POLD1: variants seen among roughly 807,000 people sequenced by gnomAD.
POLD1 encodes DNA polymerase delta 1, catalytic subunit, also known as DNA polymerase delta catalytic subunit.
A neutral mutation model predicts 129.7 loss-of-function variants in POLD1; 79 were observed. That is an observed-to-expected ratio of 0.61 (90% confidence interval 0.51 to 0.73). The LOEUF is 0.73. Ranked by LOEUF, POLD1 falls within the 30% of genes least tolerant of loss-of-function variation. The probability of loss-of-function intolerance (pLI) is 0.00; values close to 1 mark genes in which losing one functional copy is unlikely to be tolerated. For synonymous variants in POLD1, 714 were observed against 683.3 expected, an observed-to-expected ratio of 1.04 and a Z score of -0.70; for missense variants, 1,338 against 1,595.8, an observed-to-expected ratio of 0.84 and a Z score of 2.75.
intron 3 of POLD1, among the ~76,000 whole-genome samples, chr19:50,399,785 C>A (rs1255069614): frequency 2.0e-5 from 3 of 152,234 alleles, no homozygotes; most frequent in Admixed American, 2.0e-4. Context: ...CCTTAAAATT[C>A]ATAACACCAG....
intron 21 of POLD1, 51 bp from the exon 22 acceptor site, chr19:50,415,673 A>AG: frequency 2.2e-6 from 1 of 450,300 alleles, no homozygotes; most frequent in South Asian, 2.6e-5. Context: ...CCTCGCCCCC[A>AG]CCCCCGCCAC....
chr19:50,398,734 C>T, intron 1 of POLD1, 117 bp from the exon 2 acceptor site: 3 of 1,476,022 alleles, frequency 2.0e-6, no homozygotes, highest in South Asian at 2.6e-5. Flanking sequence ...TATGTTAGTA[C>T]AGCCAGTCCA....
intron 17 of POLD1, among the ~76,000 whole-genome samples, chr19:50,412,607 T>G (rs2039123713): frequency 6.6e-6 from 1 of 152,208 alleles, no homozygotes; most frequent in African/African-American, 2.4e-5. Flanking sequence ...TAAATGTAAA[T>G]GGACAAAATG....
chr19:50,406,499 C>T lies in POLD1; in HGVS notation c.1476C>T (p.Ser492=), dbSNP rs1568626807. 17 of 1,588,334 alleles carry T rather than the reference C, an allele frequency of 1.1e-5. No homozygotes were observed. The highest frequency in any genetic ancestry group is 1.5e-5 in the Non-Finnish European group (17 of 1,166,882). ...AGCAGAAGGAGGACGTGCAGCACAG[C>T]ATCATCACCGACCTGCAGGTGCCTG... ...LGEQKEDVQH[S]IITDLQNGND... is the part of the protein sequence containing the mutation. Residue 492 remains serine, a synonymous_variant, in exon 12 of 27, where the codon AGC becomes AGT. Transcript: ENST00000440232. This position sits in a 1 kb window ranked among gnomAD's most constrained non-coding sequence, Gnocchi z 5.5.
At chr19:50,397,102 A>G (rs1452476841) in intron 1 of POLD1, among the ~76,000 whole-genome samples, 1 of 145,464 alleles carries the variant, frequency 6.9e-6, no homozygotes, top group African/African-American at 2.6e-5. Context: ...AAAAAAAAAA[A>G]AAAAAGAAAA....
chr19:50,407,553 A>G, intron 14 of POLD1, 138 bp downstream of exon 14: 2 of 409,092 alleles, frequency 4.9e-6, no homozygotes, highest in Non-Finnish European at 4.3e-6. Context: ...TTTTATTTTT[A>G]TTTATTTTTA....
chr19:50,391,220 G>C (rs914581054), intron 1 of POLD1, among the ~76,000 whole-genome samples: 9 of 151,836 alleles, frequency 5.9e-5, no homozygotes, highest in African/African-American at 2.2e-4. Context: ...AGACGGGATG[G>C]CGGCTGGGAA....
Position 50,402,073 on chromosome 19 carries a change from A to T in POLD1, c.538A>T (p.Arg180Trp), listed in dbSNP as rs749864626. The change falls in exon 5 of 27, where the codon AGG (arginine) becomes TGG (tryptophan). Residue 180 changes from arginine (R) to tryptophan (W), a missense_variant. Transcript: ENST00000440232. ...LAISRDSRGG[R>W]ELTGPAVLAV... ...CATCAGCCGGGACAGTCGCGGGGGG[A>T]GGGAGCTGACTGGGCCGGCCGTGCT... The T allele has an allele frequency of 6.2e-7, 1 of 1,613,596 alleles. No individual in the cohort carries two copies. The highest frequency in any genetic ancestry group is 2.2e-5 in the East Asian group (1 of 44,836).
At chr19:50,408,015 G>A (rs369109672) in intron 14 of POLD1, among the ~76,000 whole-genome samples, 8 of 151,760 alleles carry the variant, frequency 5.3e-5, no homozygotes, top group African/African-American at 1.2e-4. Flanking sequence ...CAGCCTGGGC[G>A]ACAGAGCAAC....
intron 24 of POLD1, 144 bp from the exon 25 acceptor site, chr19:50,416,901 C>A (rs1035202753): frequency 9.3e-7 from 1 of 1,071,798 alleles, no homozygotes; most frequent in South Asian, 1.6e-5. Flanking sequence ...CCGGGAGTTC[C>A]CCAGGGGAGT....
At chr19:50,402,944 A>G in intron 8 of POLD1, 109 bp from the exon 9 acceptor site, 2 of 1,419,254 alleles carry the variant, frequency 1.4e-6, no homozygotes, top group Admixed American at 2.0e-5. Context: ...TGAGCCACGT[A>G]GGGCCGGCAG....
intron 3 of POLD1, among the ~76,000 whole-genome samples, chr19:50,400,765 C>T (rs1483197186): frequency 6.7e-6 from 1 of 149,842 alleles, no homozygotes; most frequent in Non-Finnish European, 1.5e-5. Context: ...GGCGCGATCT[C>T]GGCTCACTGC....
In POLD1 at chr19:50,416,740, A is replaced by T. The variant is rs1011244853; in HGVS notation, c.3067+17A>T. 2.7e-6 allele frequency: 4 copies of T among 1,501,474 alleles called. No individual in the cohort carries two copies. The highest frequency in any genetic ancestry group is 2.7e-6 in the Non-Finnish European group (3 of 1,116,932). The allele number at this position is 1,501,474 out of a possible 1,614,324, so 93.0% of individuals were successfully genotyped here. ...GCCACCAGGGTGAGCGGCCCTGGCCACTGGGCCCCCACTGGCCCTCAACCT... is the reference window on the plus strand; with the variant it reads ...GCCACCAGGGTGAGCGGCCCTGGCCTCTGGGCCCCCACTGGCCCTCAACCT... On this transcript the variant is annotated intron_variant, in intron 24 of 26. Transcript: ENST00000440232.
At chr19:50,404,079 T>C (rs1005681540) in intron 10 of POLD1, among the ~76,000 whole-genome samples, 2 of 152,036 alleles carry the variant, frequency 1.3e-5, no homozygotes, top group African/African-American at 4.8e-5. Flanking sequence ...CAGCAAAAAG[T>C]CATTGTCTCA....
intron 1 of POLD1, among the ~76,000 whole-genome samples, chr19:50,389,006 T>C (rs999740955): frequency 2.0e-5 from 3 of 151,838 alleles, no homozygotes; most frequent in African/African-American, 7.3e-5. Flanking sequence ...CTAATTTTTG[T>C]ATTTTTAGTA....
chr19:50,409,965 G>A lies in POLD1; in HGVS notation c.2154+299G>A, dbSNP rs2039034703. Among the ~76,000 whole-genome samples, 1 of 152,224 alleles carries A rather than the reference G, an allele frequency of 6.6e-6. No homozygotes were observed. The highest frequency in any genetic ancestry group is 1.5e-5 in the Non-Finnish European group (1 of 68,038). Reference sequence around the variant, plus strand: ...GCCCAGTGGGGACACTGACAGGTCTGTGTAAACGTGTTTAGGACACAAGTG... The same window carrying A: ...GCCCAGTGGGGACACTGACAGGTCTATGTAAACGTGTTTAGGACACAAGTG... On this transcript the variant is annotated intron_variant, in intron 17 of 26. Coordinates refer to ENST00000440232, the MANE Select transcript of POLD1 (RefSeq NM_002691.4). The surrounding 1 kb of genome is among the most constrained non-coding windows in gnomAD (Gnocchi z 5.8).
At chr19:50,394,554 C>A (rs898851974) in intron 1 of POLD1, among the ~76,000 whole-genome samples, 2 of 151,898 alleles carry the variant, frequency 1.3e-5, no homozygotes, top group Admixed American at 6.6e-5. Flanking sequence ...ACTCGGGAGG[C>A]TGAGGCAGGA....
Position 50,384,775 on chromosome 19 carries a change from G to A in POLD1, c.-2+385G>A, listed in dbSNP as rs1049294011. Among the ~76,000 whole-genome samples the A allele has an allele frequency of 2.6e-5, 4 of 152,250 alleles. No homozygotes were observed. The South Asian group carries it at 8.3e-4, about 31-fold the overall frequency. ...GTCAGAGAAGTCCCTGTCTCGGGAA[G>A]ACAGACGGTAGACAAGTGATGAGTT... On this transcript the variant is annotated intron_variant, in intron 1 of 26. Coordinates refer to ENST00000440232, the MANE Select transcript of POLD1 (RefSeq NM_002691.4).
At position 50,409,146 on chromosome 19, in the gene POLD1, G is replaced by T. The variant is rs1334171687; in HGVS notation, c.1917G>T (p.Arg639Ser). 1.9e-6 allele frequency: 3 copies of T among 1,613,206 alleles called. No individual in the cohort carries two copies. The highest frequency in any genetic ancestry group is 2.5e-6 in the Non-Finnish European group (3 of 1,179,292). ...GCCTGACTGAGGATCAGTTCATCAGGACCCCCACCGGGGACGAGTTTGTGA... is the reference window on the plus strand; with the variant it reads ...GCCTGACTGAGGATCAGTTCATCAGTACCCCCACCGGGGACGAGTTTGTGA... ...KLGLTEDQFI[R>S]TPTGDEFVKT... Residue 639 changes from arginine (R) to serine (S), a missense_variant, in exon 16 of 27, where the codon AGG (arginine) becomes AGT (serine). Physicochemically the swap from Arg to Ser is moderately radical, Grantham distance 110 (BLOSUM62 -1). This residue lies in a region of POLD1 where 720 missense variants were observed against 1,002.6 expected (regional missense o/e 0.72). Coordinates refer to ENST00000440232, the MANE Select transcript of POLD1 (RefSeq NM_002691.4). The surrounding 1 kb of genome is among the most constrained non-coding windows in gnomAD (Gnocchi z 5.8).
Sources: gnomAD v4.1 joint callset for allele counts (sites outside exome capture counted in the v4.1 genomes callset) on GRCh38, gnomAD v4.1.1 for gene constraint, gnomAD v4.1.1 regional missense constraint, Gnocchi (gnomAD v3.1) non-coding constraint, MANE v1.5 for transcripts, NCBI Gene and HGNC (gene_info 2026-07-23, HGNC 2026-07-21) for gene names.